RBFOX1: variants seen among roughly 807,000 people sequenced by gnomAD.
RBFOX1 encodes the protein RNA binding fox-1 homolog 1.
RBFOX1 carries 8 observed loss-of-function variants against 57.7 expected under a neutral mutation model. That is an observed-to-expected ratio of 0.14 (90% CI 0.08 to 0.25). RBFOX1 has a LOEUF of 0.25. Ranked by LOEUF, RBFOX1 falls within the 10% of genes least tolerant of loss-of-function variation. The pLI, the probability that RBFOX1 is intolerant of heterozygous loss-of-function variation, is 1.00. For synonymous variants in RBFOX1, 326 were observed against 222.4 expected (o/e 1.47, Z -4.15); for missense variants, 611 against 548.5 (o/e 1.11, Z -1.14).
rs552129800 is a variant in RBFOX1, at chr16:7,082,477, G to A, written c.27+30379G>A. On this transcript the variant is annotated intron_variant, in intron 4 of 15. Transcript: ENST00000550418. The stretch of plus-strand genomic sequence containing the variant: ...TGCACCTGTGGTCCCAGCTACTTGG[G>A]AGGCTGAGATGGGAGGATCGCTTGA... Among the ~76,000 whole-genome samples, 12 of 151,908 alleles carry A rather than the reference G, an allele frequency of 7.9e-5. No individual in the cohort carries two copies. The South Asian group carries it at 2.5e-3, about 32-fold the overall frequency.
chr16:6,843,378 C>G (rs2093593428), intron 3 of RBFOX1, among the ~76,000 whole-genome samples: 1 of 152,034 alleles, frequency 6.6e-6, no homozygotes. Context: ...TTTGTATAGC[C>G]CAATCTTATT....
chr16:6,001,530 A>C (rs1183610312), intron 4 of RBFOX1, among the ~76,000 whole-genome samples: 1 of 152,190 alleles, frequency 6.6e-6, no homozygotes, highest in Non-Finnish European at 1.5e-5. Context: ...TCCAGAGTCC[A>C]TGCTTTTAAC....
At chr16:7,488,340 G>C (rs1235034390) in intron 4 of RBFOX1, among the ~76,000 whole-genome samples, 1 of 152,098 alleles carries the variant, frequency 6.6e-6, no homozygotes, top group Admixed American at 6.5e-5. Flanking sequence ...ATTATAGCTA[G>C]ATAGTTGGAT....
intron 4 of RBFOX1, among the ~76,000 whole-genome samples, chr16:7,411,635 G>C (rs1312600276): frequency 6.6e-6 from 1 of 152,184 alleles, no homozygotes; most frequent in African/African-American, 2.4e-5. Flanking sequence ...CAGGCGTGGT[G>C]GCTCACACCT....
chr16:6,857,215 G>GAT (rs2142275982), intron 3 of RBFOX1, among the ~76,000 whole-genome samples: 1 of 152,256 alleles, frequency 6.6e-6, no homozygotes, highest in Non-Finnish European at 1.5e-5. Context: ...TCTCTACGCT[G>GAT]ATATATAAAT....
chr16:6,292,096 T>C (rs2077528578), intron 1 of RBFOX1, among the ~76,000 whole-genome samples: 1 of 152,060 alleles, frequency 6.6e-6, no homozygotes, highest in Admixed American at 6.6e-5. Context: ...GAAGGTGTAA[T>C]TGATAAAGAA....
At chr16:7,250,659 T>A (rs888471456) in intron 4 of RBFOX1, among the ~76,000 whole-genome samples, 4 of 152,214 alleles carry the variant, frequency 2.6e-5, no homozygotes, top group Non-Finnish European at 5.9e-5. Flanking sequence ...CATTTTACCA[T>A]TAGACTCTTG....
intron 3 of RBFOX1, among the ~76,000 whole-genome samples, chr16:6,824,646 C>G (rs147999790): frequency 6.6e-6 from 1 of 152,076 alleles, no homozygotes; most frequent in Non-Finnish European, 1.5e-5. Context: ...CATTCCTTAT[C>G]AAAAGAGGTT....
chr16:5,821,709 A>T (rs1351658007), intron 3 of RBFOX1, among the ~76,000 whole-genome samples: 1 of 152,226 alleles, frequency 6.6e-6, no homozygotes, highest in Non-Finnish European at 1.5e-5. Context: ...AAGCACAAAC[A>T]TTAATTTTCT....
At chr16:6,854,643 G>C (rs954645331) in intron 3 of RBFOX1, among the ~76,000 whole-genome samples, 2 of 129,114 alleles carry the variant, frequency 1.5e-5, no homozygotes, top group African/African-American at 2.9e-5. Context: ...TGCCCAGGCT[G>C]GAGTGCAGTG....
chr16:6,971,648 A>T (rs539867426), intron 3 of RBFOX1, among the ~76,000 whole-genome samples: 2 of 152,106 alleles, frequency 1.3e-5, no homozygotes, highest in Non-Finnish European at 2.9e-5. Flanking sequence ...AAACATTCCA[A>T]TTAGGAAGCC....
chr16:7,380,583 A>G (rs919875458), intron 4 of RBFOX1, among the ~76,000 whole-genome samples: 3 of 152,226 alleles, frequency 2.0e-5, no homozygotes, highest in Non-Finnish European at 2.9e-5. Flanking sequence ...AACAAAACAA[A>G]ACAAAAACCA....
Position 7,653,877 on chromosome 16 carries a change from G to A in RBFOX1, c.820G>A (p.Gly274Ser). The A allele has an allele frequency of 6.2e-7, 1 of 1,602,682 alleles. No homozygotes were observed. The highest frequency in any genetic ancestry group is 1.1e-5 in the South Asian group (1 of 90,930). Residue 274 changes from glycine to serine, a missense_variant, in exon 12 of 16, where the codon GGC becomes AGC. Gly to Ser is a moderately conservative substitution (Grantham distance 56, BLOSUM62 0). Coordinates refer to ENST00000550418, the MANE Select transcript of RBFOX1 (RefSeq NM_018723.4). ...CGCCTACCGAGGGGCGCACCTGCGA[G>A]GCCGCGGTCGCACCGTGTACAACAC... The part of the protein sequence containing the change: ...AAAYRGAHLR[G>S]RGRTVYNTFR...
intron 3 of RBFOX1, among the ~76,000 whole-genome samples, chr16:6,693,238 A>G (rs145527095): frequency 0.081 from 12,259 of 151,336 alleles, 853 homozygotes; most frequent in East Asian, 0.4. Context: ...CTCCACTACC[A>G]TCACCACCAT....
At position 6,859,174 on chromosome 16, in the gene RBFOX1, T is replaced by TACGTATATATATAC. The variant is rs778753196; in HGVS notation, c.-15-192883_-15-192882insACGTATATATATAC. On this transcript the variant is annotated intron_variant, in intron 3 of 15. Coordinates refer to ENST00000550418, the MANE Select transcript of RBFOX1 (RefSeq NM_018723.4). ...ATATGTATATATATACGTATATATA[T>TACGTATATATATAC]GTATATATATGTATATATATATGTA... Among the ~76,000 whole-genome samples the TACGTATATATATAC allele has an allele frequency of 2.2e-3, 142 of 64,956 alleles. 5 individuals are homozygous for TACGTATATATATAC. Among genetic ancestry groups the TACGTATATATATAC allele is most frequent in the African/African-American group, 7.4e-3 (86 of 11,628 alleles). The allele number at this position is 64,956 out of a possible 152,430, so 42.6% of individuals were successfully genotyped here.
intron 3 of RBFOX1, among the ~76,000 whole-genome samples, chr16:6,790,206 ACAGAC>A (rs2082683009): frequency 2.0e-5 from 1 of 49,988 alleles, no homozygotes; most frequent in African/African-American, 1.2e-4. Flanking sequence ...TTATTTTATG[ACAGAC>A]TCTCGCTCTG....
intron 4 of RBFOX1, among the ~76,000 whole-genome samples, chr16:7,478,397 G>T (rs1335078344): frequency 1.3e-5 from 2 of 152,198 alleles, no homozygotes; most frequent in African/African-American, 2.4e-5. Flanking sequence ...TTTTTTAAGG[G>T]AGTGAGGAGT....
chr16:6,381,374 T>C (rs968595900), intron 2 of RBFOX1, among the ~76,000 whole-genome samples: 2 of 152,112 alleles, frequency 1.3e-5, no homozygotes, highest in African/African-American at 2.4e-5. Flanking sequence ...TATTCCACCC[T>C]GTATGTCATG....
intron 11 of RBFOX1, among the ~76,000 whole-genome samples, chr16:7,640,218 C>A (rs1205051039): frequency 2.0e-5 from 3 of 152,160 alleles, no homozygotes; most frequent in Non-Finnish European, 2.9e-5. Flanking sequence ...TGTTGTTTGT[C>A]CTTTTTAACC....
Sources: gnomAD v4.1 joint callset for allele counts (sites outside exome capture counted in the v4.1 genomes callset) on GRCh38, gnomAD v4.1.1 for gene constraint, MANE v1.5 for transcripts, NCBI Gene and HGNC (gene_info 2026-07-23, HGNC 2026-07-21) for gene names.